UGGT1: variants seen among roughly 807,000 people sequenced by gnomAD.
UGGT1 encodes the protein UDP-glucose glycoprotein glucosyltransferase 1.
UGGT1 carries 107 observed loss-of-function variants against 203.9 expected under a neutral mutation model. The observed-to-expected ratio is 0.52, with a 90% confidence interval of 0.45 to 0.62. The LOEUF is 0.62. Among genes scored for constraint, UGGT1 ranks in the 20% least tolerant of loss-of-function variants. The probability of loss-of-function intolerance (pLI) is 0.00; values close to 1 mark genes in which losing one functional copy is unlikely to be tolerated. For synonymous variants in UGGT1, 628 were observed against 653.5 expected (o/e 0.96, Z 0.59); for missense variants, 1,673 against 1,867.2 (o/e 0.90, Z 1.92).
intron 24 of UGGT1, among the ~76,000 whole-genome samples, 169 bp from the exon 25 acceptor site, chr2:128,160,969 G>A (rs981472144): frequency 6.6e-6 from 1 of 152,068 alleles, no homozygotes; most frequent in African/African-American, 2.4e-5. Context: ...ATTTGCTTTG[G>A]GCTTCACTTT....
chr2:128,138,590 TG>T, intron 15 of UGGT1, 126 bp from the exon 16 acceptor site: 1 of 1,091,168 alleles, frequency 9.2e-7, no homozygotes, highest in Non-Finnish European at 1.3e-6. Context: ...GGCTGTGAAC[TG>T]TGCTTTTCAC....
Position 128,116,256 on chromosome 2 carries a change from C to A in UGGT1, c.794-9C>A. The A allele has an allele frequency of 1.9e-6, 3 of 1,562,884 alleles. No homozygotes were observed. The highest frequency in any genetic ancestry group is 1.4e-5 in the African/African-American group (1 of 73,886). On this transcript the variant is annotated splice_polypyrimidine_tract_variant and intron_variant, in intron 7 of 40. Coordinates refer to ENST00000259253, the MANE Select transcript of UGGT1 (RefSeq NM_020120.4). ...TTATTAATAATATGTATTTTCTATT[C>A]TTTCATAGGAACTGAGGTAAACACC...
intron 1 of UGGT1, 112 bp downstream of exon 1, chr2:128,091,527 C>A: frequency 6.7e-7 from 1 of 1,482,426 alleles, no homozygotes; most frequent in Non-Finnish European, 9.0e-7. Context: ...ACTCAGTTTA[C>A]CCTCTGGTGT....
intron 8 of UGGT1, among the ~76,000 whole-genome samples, chr2:128,117,546 C>CTT (rs10694331): frequency 0.82 from 112,466 of 137,424 alleles, 46,903 homozygotes; most frequent in Middle Eastern, 0.89. Context: ...AACTGTTATT[C>CTT]TTTTTTTTTT....
At position 128,123,180 on chromosome 2, in the gene UGGT1, C is replaced by T. The variant is rs919246567; in HGVS notation, c.1074-6C>T. On this transcript the variant is annotated splice_polypyrimidine_tract_variant and splice_region_variant and intron_variant, in intron 10 of 40. Coordinates refer to ENST00000259253, the MANE Select transcript of UGGT1 (RefSeq NM_020120.4). ...CCAAGCACTCATAATGTTTTTATTT[C>T]CTTAGAGCAATAACAAAAACAGCTG... is the stretch of plus-strand genomic sequence containing the variant. The T allele has an allele frequency of 2.5e-6, 4 of 1,611,510 alleles. No individual in the cohort carries two copies. The highest frequency in any genetic ancestry group is 1.1e-5 in the South Asian group (1 of 90,694).
rs375964817 is a variant in UGGT1 at position 128,094,583 on chromosome 2, G to T, written c.59-2846G>T. On this transcript the variant is annotated intron_variant, in intron 1 of 40. Transcript: ENST00000259253. Reference sequence around the variant, plus strand: ...ATATATGTGGTTAAACTGCTAGTACGTAGCAAACTCAGGAATTGATCACAG... The same window carrying T: ...ATATATGTGGTTAAACTGCTAGTACTTAGCAAACTCAGGAATTGATCACAG... Among the ~76,000 whole-genome samples, 3 of 152,064 alleles carry T rather than the reference G, an allele frequency of 2.0e-5. No individual in the cohort carries two copies. The South Asian group carries it at 6.2e-4, about 32-fold the overall frequency.
At chr2:128,097,893 G>T (rs1687186545) in intron 2 of UGGT1, among the ~76,000 whole-genome samples, 1 of 152,108 alleles carries the variant, frequency 6.6e-6, no homozygotes, top group Non-Finnish European at 1.5e-5. Flanking sequence ...ACAGGGTCTC[G>T]CTCTGTTGCC....
At chr2:128,120,157 A>G (rs952570761) in intron 8 of UGGT1, among the ~76,000 whole-genome samples, 199 bp from the exon 9 acceptor site, 3 of 152,066 alleles carry the variant, frequency 2.0e-5, no homozygotes, top group Admixed American at 6.6e-5. Context: ...TTTTCTATAA[A>G]TTTTATGAGT....
At chr2:128,145,605 C>A in intron 17 of UGGT1, 198 bp from the exon 18 acceptor site, 1 of 536,892 alleles carries the variant, frequency 1.9e-6, no homozygotes. Context: ...CTCAGTAATT[C>A]AATCTCAGAT....
intron 25 of UGGT1, among the ~76,000 whole-genome samples, chr2:128,163,482 G>A (rs1239395353): frequency 1.3e-5 from 2 of 151,050 alleles, no homozygotes; most frequent in East Asian, 3.9e-4. Context: ...TGGGAAGGCC[G>A]AGGCGGGCGG....
At chr2:128,161,088 A>T in intron 24 of UGGT1, 50 bp from the exon 25 acceptor site, 2 of 1,600,016 alleles carry the variant, frequency 1.2e-6, no homozygotes, top group Non-Finnish European at 1.7e-6. Context: ...CAGCTTGCTG[A>T]GTGCAGGCAG....
At position 128,143,162 on chromosome 2, in the gene UGGT1, A is replaced by G. The variant is rs1689521137; in HGVS notation, c.1788A>G (p.Lys596=). The part of the protein sequence containing the change: ...VEHVVSVLEK[K]YPYVEVNSIL... ...ATGTGGTCAGTGTCCTGGAGAAGAA[A>G]TATCCGTATGTAGAAGTGAATAGCA... Residue 596 remains lysine, a synonymous_variant, in exon 17 of 41, where the codon AAA becomes AAG. Coordinates refer to ENST00000259253, the MANE Select transcript of UGGT1 (RefSeq NM_020120.4). The G allele has an allele frequency of 1.9e-6, 3 of 1,614,042 alleles. No individual in the cohort carries two copies. The highest frequency in any genetic ancestry group is 2.2e-5 in the South Asian group (2 of 91,070).
chr2:128,104,337 C>T (rs1200328800), intron 3 of UGGT1, among the ~76,000 whole-genome samples: 3 of 152,180 alleles, frequency 2.0e-5, no homozygotes, highest in African/African-American at 7.2e-5. Context: ...ACCATCTAAT[C>T]TGATTCACTA....
At chr2:128,105,386 C>T (rs1000199549) in intron 3 of UGGT1, among the ~76,000 whole-genome samples, 1 of 151,646 alleles carries the variant, frequency 6.6e-6, no homozygotes, top group African/African-American at 2.4e-5. Context: ...CTGTGTTGCC[C>T]AGGCTGGTCT....
At chr2:128,173,026 A>G (rs1264068089) in intron 29 of UGGT1, among the ~76,000 whole-genome samples, 1 of 152,014 alleles carries the variant, frequency 6.6e-6, no homozygotes, top group Non-Finnish European at 1.5e-5. Flanking sequence ...AAAGCCCCAT[A>G]CTCATTAGCA....
rs746893171 is a variant in UGGT1, at chr2:128,091,432, TGAG to T, written c.58+22_58+24del. The T allele has an allele frequency of 1.9e-6, 3 of 1,574,208 alleles. No individual in the cohort carries two copies. Among genetic ancestry groups the T allele is most frequent in the Non-Finnish European group, 2.6e-6 (3 of 1,159,826 alleles). On this transcript the variant is annotated intron_variant, in intron 1 of 40. Transcript: ENST00000259253. The stretch of plus-strand genomic sequence containing the variant: ...CGGTGACAGGTACCCAGGGGTGGCG[TGAG>T]GAGGCCTCGTGGACAAAGAGAGGGT...
chr2:128,106,686 A>C (rs1475085586), intron 3 of UGGT1, among the ~76,000 whole-genome samples: 1 of 151,998 alleles, frequency 6.6e-6, no homozygotes, highest in Non-Finnish European at 1.5e-5. Flanking sequence ...CTCAGCTGGG[A>C]TTACAGGTGC....
At position 128,172,493 on chromosome 2, in the gene UGGT1, T is replaced by C. The variant is rs559078941; in HGVS notation, c.3105-80T>C. ...TCCAAATCTAATTTGTTTTAACCAG[T>C]TGTTACCTGTGTAAGGGCTGTGCAC... On this transcript the variant is annotated intron_variant, in intron 28 of 40. Coordinates refer to ENST00000259253, the MANE Select transcript of UGGT1 (RefSeq NM_020120.4). The C allele has an allele frequency of 2.7e-6, 4 of 1,471,786 alleles. No homozygotes were observed. In the African/African-American group the frequency reaches 5.5e-5, roughly 20 times the overall value. The allele number at this position is 1,471,786 out of a possible 1,614,324, so 91.2% of individuals were successfully genotyped here. A position where few individuals can be genotyped will look rare whatever the true frequency, so the allele number is the denominator to read the frequency against.
At position 128,191,946 on chromosome 2, in the gene UGGT1, A is replaced by G. The variant is rs549763146; in HGVS notation, c.*2204A>G. 56 of 152,304 alleles carry G rather than the reference A, an allele frequency of 3.7e-4. No homozygotes were observed. Among genetic ancestry groups the G allele is most frequent in the African/African-American group, 1.3e-3 (54 of 41,566 alleles). 9.4% of individuals were successfully genotyped at this position (152,304 alleles called of 1,614,324 possible). A position where few individuals can be genotyped will look rare whatever the true frequency, so the allele number is the denominator to read the frequency against. On this transcript the variant is annotated 3_prime_UTR_variant, in exon 41 of 41. Coordinates refer to ENST00000259253, the MANE Select transcript of UGGT1 (RefSeq NM_020120.4). ...AGACGGGTGACTGCTGCTGTCCACA[A>G]CTGTGGGCGGAAGTGTGCCTTTTCC...
Sources: gnomAD v4.1 joint callset for allele counts (sites outside exome capture counted in the v4.1 genomes callset) on GRCh38, gnomAD v4.1.1 for gene constraint, MANE v1.5 for transcripts, NCBI Gene and HGNC (gene_info 2026-07-23, HGNC 2026-07-21) for gene names.